PRRC2A: variants seen among roughly 807,000 people sequenced by gnomAD.
PRRC2A encodes the protein protein PRRC2A.
A neutral mutation model predicts 224.6 loss-of-function variants in PRRC2A; 59 were observed. That is an observed-to-expected ratio of 0.26 (90% CI 0.21 to 0.33). PRRC2A has a LOEUF of 0.33. Ranked by LOEUF, PRRC2A falls within the 10% of genes least tolerant of loss-of-function variation. The probability of loss-of-function intolerance (pLI) is 1.00; values close to 1 mark genes in which losing one functional copy is unlikely to be tolerated. For synonymous variants in PRRC2A, 1,194 were observed against 1,109.5 expected, an observed-to-expected ratio of 1.08 and a Z score of -1.51; for missense variants, 3,095 against 2,880.7, an observed-to-expected ratio of 1.07 and a Z score of -1.70.
rs756078179 is a variant in PRRC2A, at chr6:31,629,695, G to A, written c.2104G>A (p.Ala702Thr). 2 of 1,600,266 alleles carry A rather than the reference G, an allele frequency of 1.2e-6. No individual in the cohort carries two copies. Among genetic ancestry groups the A allele is most frequent in the East Asian group, 4.5e-5 (2 of 44,740 alleles). ...APQAPPPPPK[A>T]LYPGALGRPP... ...ACAGGCTCCACCCCCGCCCCCCAAG[G>A]CCCTGTACCCAGGTGCTCTGGGCCG... is the stretch of plus-strand genomic sequence containing the variant. Residue 702 changes from alanine to threonine, a missense_variant, in exon 14 of 31, where the codon GCC becomes ACC. Ala to Thr is a moderately conservative substitution (Grantham distance 58). Around this residue, in one of 8 missense-constraint regions of PRRC2A, gnomAD observed 2,001 missense variants for 1,764.9 expected, o/e 1.13. Transcript: ENST00000376033.
At position 31,627,330 on chromosome 6, in the gene PRRC2A, C is replaced by G; in HGVS notation, c.1290+132C>G. The G allele has an allele frequency of 1.5e-6, 1 of 674,570 alleles. No homozygotes were observed. Among genetic ancestry groups the G allele is most frequent in the Non-Finnish European group, 2.5e-6 (1 of 398,324 alleles). 41.8% of individuals were successfully genotyped at this position (674,570 alleles called of 1,614,324 possible). A position where few individuals can be genotyped will look rare whatever the true frequency, so the allele number is the denominator to read the frequency against. ...CTGTGTGAAGTGCCAGGCTGCAGAA[C>G]ATCCTGGGAAGCTTTTAAATATCTT... On this transcript the variant is annotated intron_variant, in intron 11 of 30. Transcript: ENST00000376033. This position sits in a 1 kb window ranked among gnomAD's most constrained non-coding sequence, Gnocchi z 5.6.
chr6:31,633,836 C>T (rs1428702712), intron 17 of PRRC2A, 23 bp from the exon 18 acceptor site: 12 of 1,567,770 alleles, frequency 7.7e-6, no homozygotes, highest in Non-Finnish European at 1.0e-5. Flanking sequence ...CAGGCAGATG[C>T]TGACCCTTTT....
In PRRC2A at chr6:31,630,727, C is replaced by T. The variant is rs150946565; in HGVS notation, c.2391C>T (p.Thr797=). 19 of 1,614,122 alleles carry T rather than the reference C, an allele frequency of 1.2e-5. No individual in the cohort carries two copies. The highest frequency in any genetic ancestry group is 2.7e-5 in the African/African-American group (2 of 75,032). Residue 797 remains threonine, a synonymous_variant, in exon 15 of 31, where the codon ACC becomes ACT. Coordinates refer to ENST00000376033, the MANE Select transcript of PRRC2A (RefSeq NM_004638.4). ...TGGCCTGGGTAGGAGATGTCTTCAC[C>T]GCCACACCCGCTGAACCCCGCCCAC... The part of the protein sequence containing the change: ...PKLAWVGDVF[T]ATPAEPRPLT...
In PRRC2A at chr6:31,624,249, C is replaced by T; in HGVS notation, c.291-12C>T. ...CTCAGGTGTGAATAACCTTCCCATT[C>T]TGTCCCCTCAGTTCCGATGCCTCAA... On this transcript the variant is annotated splice_polypyrimidine_tract_variant and intron_variant, in intron 3 of 30. Coordinates refer to ENST00000376033, the MANE Select transcript of PRRC2A (RefSeq NM_004638.4). 6.2e-7 allele frequency: 1 copy of T among 1,611,742 alleles called. No homozygotes were observed. Among genetic ancestry groups the T allele is most frequent in the Non-Finnish European group, 8.5e-7 (1 of 1,178,710 alleles).
rs1159162542 is a variant in PRRC2A at position 31,634,569 on chromosome 6, T to TGGGA, written c.4935+16_4935+19dup. 3 of 1,607,018 alleles carry TGGGA rather than the reference T, an allele frequency of 1.9e-6. No individual in the cohort carries two copies. In the South Asian group the frequency reaches 3.3e-5, roughly 18 times the overall value. The stretch of plus-strand genomic sequence containing the variant: ...TGGCTGGCACAGAAGTGAGTGAGGG[T>TGGGA]GGGAGGGTGTGTCTGAGCTGGGACT... On this transcript the variant is annotated intron_variant, in intron 20 of 30. Coordinates refer to ENST00000376033, the MANE Select transcript of PRRC2A (RefSeq NM_004638.4).
Position 31,637,045 on chromosome 6 carries a change from C to T in PRRC2A, c.6151C>T (p.His2051Tyr), listed in dbSNP as rs551121896. The change falls in exon 29 of 31, where the codon CAT (histidine) becomes TAT (tyrosine). Residue 2051 changes from histidine (H) to tyrosine (Y), a missense_variant. By Grantham distance (83) the His-to-Tyr change is moderately conservative (BLOSUM62 2). This residue lies in a region of PRRC2A where 662 missense variants were observed against 609.5 expected (regional missense o/e 1.09). Transcript: ENST00000376033. ...FPASLGRAEL[H>Y]PVELKPFQDY... ...CTCATGATTTTTTTCCCCTCAGCTG[C>T]ATCCAGTGGAACTAAAGCCGTTCCA... The T allele has an allele frequency of 1.9e-6, 3 of 1,601,478 alleles. No individual in the cohort carries two copies. The highest frequency in any genetic ancestry group is 2.6e-6 in the Non-Finnish European group (3 of 1,173,804).
chr6:31,631,810 G>A lies in PRRC2A; in HGVS notation c.3137G>A (p.Gly1046Glu). The A allele has an allele frequency of 6.3e-7, 1 of 1,591,032 alleles. No individual in the cohort carries two copies. Among genetic ancestry groups the A allele is most frequent in the Middle Eastern group, 1.7e-4 (1 of 5,960 alleles). The change falls in exon 16 of 31, where the codon GGG (glycine) becomes GAG (glutamate). Residue 1046 changes from glycine to glutamate, a missense_variant. Physicochemically the swap from Gly to Glu is moderately conservative, Grantham distance 98. Coordinates refer to ENST00000376033, the MANE Select transcript of PRRC2A (RefSeq NM_004638.4). This position sits in a 1 kb window ranked among gnomAD's most constrained non-coding sequence, Gnocchi z 4.5. ...RGFRGTYGGR[G>E]RGARSREFRS... ...TTTCGGGGGACCTATGGGGGACGAG[G>A]GCGGGGAGCCCGAAGCCGGGAATTC...
At chr6:31,623,416 C>A (rs554378442) in intron 2 of PRRC2A, among the ~76,000 whole-genome samples, 1 of 151,766 alleles carries the variant, frequency 6.6e-6, no homozygotes, top group Admixed American at 6.6e-5. Context: ...TACAGGCATG[C>A]GCCACCACAC....
At position 31,623,728 on chromosome 6, in the gene PRRC2A, C is replaced by G. The variant is rs1430866006; in HGVS notation, c.113-4C>G. 1.9e-6 allele frequency: 3 copies of G among 1,613,980 alleles called. No homozygotes were observed. The highest frequency in any genetic ancestry group is 2.5e-6 in the Non-Finnish European group (3 of 1,179,872). On this transcript the variant is annotated splice_region_variant and splice_polypyrimidine_tract_variant and intron_variant, in intron 2 of 30. Transcript: ENST00000376033. ...TTCGACCCTCTCTCCGTCTTGTTCT[C>G]CAGTTGCCCCTCGCCATGGCCTGCA...
At chr6:31,629,419 C>T in intron 13 of PRRC2A, 85 bp downstream of exon 13, 1 of 1,495,784 alleles carries the variant, frequency 6.7e-7, no homozygotes, top group Non-Finnish European at 9.1e-7. Context: ...CCTTCTGGGT[C>T]CCTTTGCTTC....
At chr6:31,622,452 G>A (rs753590797) in intron 1 of PRRC2A, among the ~76,000 whole-genome samples, 6 of 152,162 alleles carry the variant, frequency 3.9e-5, no homozygotes, top group Non-Finnish European at 7.3e-5. Context: ...CAGGCACAAA[G>A]GGCAGAGTGT....
chr6:31,626,731 G>A (rs529360666), intron 9 of PRRC2A, 41 bp from the exon 10 acceptor site: 3 of 1,518,194 alleles, frequency 2.0e-6, no homozygotes, highest in African/African-American at 2.8e-5. Context: ...AAGATTGGAG[G>A]GCAGAATGCT....
Position 31,634,508 on chromosome 6 carries a change from A to T in PRRC2A, c.4886A>T (p.Glu1629Val). Residue 1629 changes from glutamate to valine, a missense_variant, in exon 20 of 31, where the codon GAG becomes GTG. Physicochemically the swap from Glu to Val is moderately radical, Grantham distance 121. Coordinates refer to ENST00000376033, the MANE Select transcript of PRRC2A (RefSeq NM_004638.4). Reference sequence around the variant, plus strand: ...AAGAGTTACCGGCCCAGCTCCATGGAGCCTTGGATGGAGCCCCTGAGTCCT... The same window carrying T: ...AAGAGTTACCGGCCCAGCTCCATGGTGCCTTGGATGGAGCCCCTGAGTCCT... ...SRKSYRPSSMEPWMEPLSPFE... is the reference protein window; with the variant it reads ...SRKSYRPSSMVPWMEPLSPFE... 1.2e-6 allele frequency: 2 copies of T among 1,612,788 alleles called. No individual in the cohort carries two copies. The highest frequency in any genetic ancestry group is 1.7e-6 in the Non-Finnish European group (2 of 1,179,934).
At chr6:31,626,919 T>C (rs1775973006) in intron 10 of PRRC2A, 57 bp downstream of exon 10, 1 of 1,612,764 alleles carries the variant, frequency 6.2e-7, no homozygotes, top group Non-Finnish European at 8.5e-7. Flanking sequence ...ATTTTGGTAA[T>C]ATACTCTTAG....
chr6:31,624,024 C>T, intron 3 of PRRC2A, 115 bp downstream of exon 3: 1 of 1,313,666 alleles, frequency 7.6e-7, no homozygotes, highest in Non-Finnish European at 1.0e-6. Context: ...AGGTCCCTTT[C>T]TTACCTATTG....
Position 31,634,811 on chromosome 6 carries a change from C to T in PRRC2A, c.4994C>T (p.Pro1665Leu). ...GGGGATTCTCAGGTGTCATCAGGTC[C>T]CTGCAGCCAGCGAAGTTCCCCTGAT... ...LSGDSQVSSGPCSQRSSPDGG... is the reference protein window; with the variant it reads ...LSGDSQVSSGLCSQRSSPDGG... The change falls in exon 21 of 31, where the codon CCC (proline) becomes CTC (leucine). Residue 1665 changes from proline to leucine, a missense_variant. Transcript: ENST00000376033. 6.2e-7 allele frequency: 1 copy of T among 1,612,868 alleles called. No individual in the cohort carries two copies. Among genetic ancestry groups the T allele is most frequent in the East Asian group, 2.2e-5 (1 of 44,870 alleles).
intron 2 of PRRC2A, chr6:31,623,107 C>T (rs1346891823): frequency 1.3e-6 from 1 of 761,918 alleles, no homozygotes; most frequent in Admixed American, 1.7e-5. Flanking sequence ...TCTGTGGTTC[C>T]CTGTCTTTGG....
chr6:31,626,233 G>C, intron 9 of PRRC2A, 71 bp downstream of exon 9: 1 of 1,509,722 alleles, frequency 6.6e-7, no homozygotes, highest in East Asian at 2.3e-5. Flanking sequence ...AAAAATACAG[G>C]GTTATGTGGG....
At chr6:31,622,315 TCTC>T (rs1457759886) in intron 1 of PRRC2A, among the ~76,000 whole-genome samples, 5 of 152,218 alleles carry the variant, frequency 3.3e-5, no homozygotes, top group Non-Finnish European at 7.3e-5. Context: ...TGTTTCTTCT[TCTC>T]TGATGGAATT....
Sources: gnomAD v4.1 joint callset for allele counts (sites outside exome capture counted in the v4.1 genomes callset) on GRCh38, gnomAD v4.1.1 for gene constraint, gnomAD v4.1.1 regional missense constraint, Gnocchi (gnomAD v3.1) non-coding constraint, MANE v1.5 for transcripts, NCBI Gene and HGNC (gene_info 2026-07-23, HGNC 2026-07-21) for gene names.